ZNF627: variants seen among roughly 807,000 people sequenced by gnomAD.
The protein encoded by ZNF627 is zinc finger protein 627.
In ZNF627, 12 loss-of-function variants were observed where a neutral mutation model predicts 10.6. The observed-to-expected ratio is 1.13, with a 90% CI of 0.73 to 1.84. ZNF627 has a LOEUF of 1.84. Among genes scored for constraint, ZNF627 ranks in the 40% most tolerant of loss-of-function variants. The pLI is 0.00. For synonymous variants in ZNF627, 176 were observed against 187.1 expected (o/e 0.94, Z 0.48); for missense variants, 504 against 568.4 (o/e 0.89, Z 1.15).
intron 1 of ZNF627, among the ~76,000 whole-genome samples, chr19:11,611,302 C>T (rs567741847): frequency 6.6e-6 from 1 of 151,882 alleles, no homozygotes; most frequent in African/African-American, 2.4e-5. Flanking sequence ...GTTGCCTTTT[C>T]CCAGTGTTGA....
intron 1 of ZNF627, 113 bp downstream of exon 1, chr19:11,597,743 C>G: frequency 8.6e-7 from 1 of 1,162,334 alleles, no homozygotes; most frequent in Non-Finnish European, 1.1e-6. Flanking sequence ...GGGTCTGGGA[C>G]CCGAGTTCCC....
chr19:11,606,618 A>T (rs896605464), intron 1 of ZNF627, among the ~76,000 whole-genome samples: 1 of 151,372 alleles, frequency 6.6e-6, no homozygotes, highest in Middle Eastern at 3.4e-3. Context: ...CACAGTGGGG[A>T]CTCTCTGTGG....
In ZNF627 at chr19:11,613,748, T is replaced by G. The variant is rs115003186; in HGVS notation, c.4-779T>G. The stretch of plus-strand genomic sequence containing the variant: ...TCCCACAGAGATTTTGCTATGGGAG[T>G]CTGTTCTAGTAAGTTATGACTCTTT... On this transcript the variant is annotated intron_variant, in intron 1 of 3. Coordinates refer to ENST00000361113, the MANE Select transcript of ZNF627 (RefSeq NM_145295.4). Among the ~76,000 whole-genome samples the G allele has an allele frequency of 5.9e-3, 897 of 152,028 alleles. 11 individuals are homozygous for G. Among genetic ancestry groups the G allele is most frequent in the African/African-American group, 0.02 (826 of 41,436 alleles).
At chr19:11,602,929 G>A (rs1384753430) in intron 1 of ZNF627, among the ~76,000 whole-genome samples, 1 of 152,156 alleles carries the variant, frequency 6.6e-6, no homozygotes, top group African/African-American at 2.4e-5. Context: ...AATGGGCATT[G>A]GGCATTTCTG....
At chr19:11,607,584 CA>C (rs1348122773) in intron 1 of ZNF627, among the ~76,000 whole-genome samples, 1 of 152,190 alleles carries the variant, frequency 6.6e-6, no homozygotes, top group East Asian at 1.9e-4. Context: ...ATCTCTAGGG[CA>C]GGGGCAAAAT....
At position 11,617,418 on chromosome 19, in the gene ZNF627, A is replaced by G. The variant is rs1973893305; in HGVS notation, c.915A>G (p.Lys305=). 3.7e-6 allele frequency: 6 copies of G among 1,614,036 alleles called. No individual in the cohort carries two copies. The highest frequency in any genetic ancestry group is 5.1e-6 in the Non-Finnish European group (6 of 1,180,030). ...ACGAGAGGACTCACACCGGAGAGAAACTTTTTGAATGTAAGGAATGCGGGA... is the reference window on the plus strand; with the variant it reads ...ACGAGAGGACTCACACCGGAGAGAAGCTTTTTGAATGTAAGGAATGCGGGA... ...RSHERTHTGE[K]LFECKECGKA... The change falls in exon 4 of 4, where the codon AAA becomes AAG. Residue 305 remains lysine, a synonymous_variant. Coordinates refer to ENST00000361113, the MANE Select transcript of ZNF627 (RefSeq NM_145295.4).
At chr19:11,612,998 A>G (rs1379009018) in intron 1 of ZNF627, among the ~76,000 whole-genome samples, 1 of 147,516 alleles carries the variant, frequency 6.8e-6, no homozygotes, top group Non-Finnish European at 1.5e-5. Flanking sequence ...TTTGAAAAGT[A>G]TTTTTTTCCA....
intron 1 of ZNF627, among the ~76,000 whole-genome samples, chr19:11,599,839 A>G (rs1973554724): frequency 6.6e-6 from 1 of 151,450 alleles, no homozygotes; most frequent in Non-Finnish European, 1.5e-5. Flanking sequence ...CGTGGGAGGC[A>G]AAGGTTGCAG....
chr19:11,599,206 C>T (rs1002833223), intron 1 of ZNF627, among the ~76,000 whole-genome samples: 1 of 152,178 alleles, frequency 6.6e-6, no homozygotes, highest in Non-Finnish European at 1.5e-5. Flanking sequence ...ACTGGACAGC[C>T]TGAAGTACGG....
At chr19:11,606,810 T>A (rs748133058) in intron 1 of ZNF627, among the ~76,000 whole-genome samples, 4 of 151,504 alleles carry the variant, frequency 2.6e-5, no homozygotes, top group Admixed American at 6.6e-5. Flanking sequence ...CAACACCACA[T>A]GGCAGCTGCT....
At position 11,617,701 on chromosome 19, in the gene ZNF627, T is replaced by C. The variant is rs1190003947; in HGVS notation, c.1198T>C (p.Phe400Leu). 1.2e-6 allele frequency: 2 copies of C among 1,613,078 alleles called. No homozygotes were observed. Among genetic ancestry groups the C allele is most frequent in the South Asian group, 2.2e-5 (2 of 90,960 alleles). Residue 400 changes from phenylalanine to leucine, a missense_variant, in exon 4 of 4, where the codon TTC (phenylalanine) becomes CTC (leucine). Phe to Leu is a conservative substitution (Grantham distance 22). Coordinates refer to ENST00000361113, the MANE Select transcript of ZNF627 (RefSeq NM_145295.4). ...TAAATGTACAAAATGTGGGAAAGCC[T>C]TCAGTCGTTCCAGTTACTTCCGAAT... ...PYKCTKCGKA[F>L]SRSSYFRIHE... is the part of the protein sequence containing the mutation.
rs568071895 is a variant in ZNF627 at position 11,611,973 on chromosome 19, G to A, written c.4-2554G>A. ...CATTTTGGTTTGGTCTCATTTGTTGGGGACTAGTATAGGATTTTAGTCCAA... is the reference window on the plus strand; with the variant it reads ...CATTTTGGTTTGGTCTCATTTGTTGAGGACTAGTATAGGATTTTAGTCCAA... On this transcript the variant is annotated intron_variant, in intron 1 of 3. Coordinates refer to ENST00000361113, the MANE Select transcript of ZNF627 (RefSeq NM_145295.4). 6.8e-4 allele frequency among the ~76,000 whole-genome samples: 103 copies of A among 152,022 alleles called. 1 individual carries two copies. The South Asian group carries it at 0.02, about 29-fold the overall frequency.
At chr19:11,613,074 C>T (rs1973801248) in intron 1 of ZNF627, among the ~76,000 whole-genome samples, 1 of 84,086 alleles carries the variant, frequency 1.2e-5, no homozygotes, top group Non-Finnish European at 2.4e-5. Flanking sequence ...CTCCCCTCCC[C>T]TCCCTCCCTT....
At chr19:11,612,867 C>A (rs2145136086) in intron 1 of ZNF627, among the ~76,000 whole-genome samples, 1 of 151,838 alleles carries the variant, frequency 6.6e-6, no homozygotes, top group East Asian at 1.9e-4. Context: ...TTTCATCACG[C>A]AGGTAGTGAG....
chr19:11,617,429 G>A lies in ZNF627; in HGVS notation c.926G>A (p.Cys309Tyr), dbSNP rs1170889469. ...CACACCGGAGAGAAACTTTTTGAAT[G>A]TAAGGAATGCGGGAAGGCTTTGACT... ...RTHTGEKLFE[C>Y]KECGKALTCL... The change falls in exon 4 of 4, where the codon TGT (cysteine) becomes TAT (tyrosine). Residue 309 changes from cysteine (C) to tyrosine (Y), a missense_variant. Transcript: ENST00000361113. 1.9e-6 allele frequency: 3 copies of A among 1,613,890 alleles called. No homozygotes were observed. Among genetic ancestry groups the A allele is most frequent in the Non-Finnish European group, 2.5e-6 (3 of 1,180,038 alleles).
In ZNF627 at chr19:11,618,513, G is replaced by A. The variant is rs1973919073; in HGVS notation, c.*624G>A. ...ACTCCCCTAGTCTGTAGACGGAATT[G>A]GCATACGGTCTAATTTGTGTAGTAA... On this transcript the variant is annotated 3_prime_UTR_variant, in exon 4 of 4. Transcript: ENST00000361113. 1 of 152,174 alleles carries A rather than the reference G, an allele frequency of 6.6e-6. No homozygotes were observed. The highest frequency in any genetic ancestry group is 6.6e-5 in the Admixed American group (1 of 15,262). The allele number at this position is 152,174 out of a possible 1,614,324, so 9.4% of individuals were successfully genotyped here. A position where few individuals can be genotyped will look rare whatever the true frequency, so the allele number is the denominator to read the frequency against.
intron 3 of ZNF627, among the ~76,000 whole-genome samples, chr19:11,615,409 G>A (rs1007375116): frequency 3.3e-5 from 5 of 149,454 alleles, no homozygotes; most frequent in African/African-American, 1.2e-4. Context: ...GACCATCCTG[G>A]CTAACACGGT....
At chr19:11,599,628 G>C (rs927995775) in intron 1 of ZNF627, among the ~76,000 whole-genome samples, 1 of 152,064 alleles carries the variant, frequency 6.6e-6, no homozygotes, top group Admixed American at 6.6e-5. Flanking sequence ...GACTTAGGCC[G>C]GGCGCGGTGG....
chr19:11,597,688 C>CGGAACCGGCT (rs1568438029), intron 1 of ZNF627, 58 bp downstream of exon 1: 1 of 1,327,614 alleles, frequency 7.5e-7, no homozygotes, highest in Non-Finnish European at 9.7e-7. Context: ...TGGAACCGGC[C>CGGAACCGGCT]GGAACCGGCT....
Sources: gnomAD v4.1 joint callset for allele counts (sites outside exome capture counted in the v4.1 genomes callset) on GRCh38, gnomAD v4.1.1 for gene constraint, MANE v1.5 for transcripts, NCBI Gene and HGNC (gene_info 2026-07-23, HGNC 2026-07-21) for gene names.